ADAMTS12: variants seen among roughly 807,000 people sequenced by gnomAD.
ADAMTS12 encodes the protein ADAM metallopeptidase with thrombospondin type 1 motif 12, also known as A disintegrin and metalloproteinase with thrombospondin motifs 12.
Under a neutral mutation model 167.8 loss-of-function variants are expected in ADAMTS12, and 118 were observed. The ratio of observed to expected loss-of-function variants is 0.70; its 90% CI spans 0.61 to 0.82. The LOEUF is 0.82. Ranked by LOEUF, ADAMTS12 falls within the 40% of genes least tolerant of loss-of-function variation. The pLI, the probability that ADAMTS12 is intolerant of heterozygous loss-of-function variation, is 0.00. For synonymous variants in ADAMTS12, 704 were observed against 716.9 expected (o/e 0.98, Z 0.29); for missense variants, 1,916 against 1,998.8 (o/e 0.96, Z 0.79).
intron 10 of ADAMTS12, among the ~76,000 whole-genome samples, chr5:33,642,236 T>A (rs1740488646): frequency 6.6e-6 from 1 of 152,194 alleles, no homozygotes; most frequent in African/African-American, 2.4e-5. Context: ...TAAATCAACA[T>A]ACTACTTTTT....
chr5:33,561,035 A>T lies in ADAMTS12; in HGVS notation c.4117T>A (p.Trp1373Arg). The T allele has an allele frequency of 6.2e-7, 1 of 1,613,942 alleles. No homozygotes were observed. The highest frequency in any genetic ancestry group is 8.5e-7 in the Non-Finnish European group (1 of 1,179,986). Residue 1373 changes from tryptophan to arginine, a missense_variant, in exon 20 of 24, where the codon TGG (tryptophan) becomes AGG (arginine). Physicochemically the swap from Trp to Arg is moderately radical, Grantham distance 101. Transcript: ENST00000504830. Reference sequence around the variant, plus strand: ...CAAGCCTGATAAGTTACCTTGCTCCAGTTTCCCACTTTCCAGCCAGCACAG... The same window carrying T: ...CAAGCCTGATAAGTTACCTTGCTCCTGTTTCCCACTTTCCAGCCAGCACAG... ...RPCAGWKVGN[W>R]SKCSRNCSGG...
chr5:33,755,242 T>C (rs565068426), intron 2 of ADAMTS12, among the ~76,000 whole-genome samples: 29 of 152,274 alleles, frequency 1.9e-4, no homozygotes, highest in African/African-American at 7.0e-4. Flanking sequence ...ATAAAAAAGA[T>C]TTTGTTACAG....
intron 18 of ADAMTS12, 79 bp downstream of exon 18, chr5:33,588,520 T>C (rs1761138392): frequency 1.3e-5 from 21 of 1,556,374 alleles, no homozygotes; most frequent in Non-Finnish European, 1.9e-5. Flanking sequence ...AGGGTCACTT[T>C]GGATTGGATA....
At chr5:33,734,284 G>A in intron 3 of ADAMTS12, among the ~76,000 whole-genome samples, 1 of 152,122 alleles carries the variant, frequency 6.6e-6, no homozygotes, top group African/African-American at 2.4e-5. Context: ...CTGGTTCTTT[G>A]GAACAAAAGC....
chr5:33,563,262 C>A (rs1480397291), intron 19 of ADAMTS12, among the ~76,000 whole-genome samples: 1 of 152,158 alleles, frequency 6.6e-6, no homozygotes, highest in African/African-American at 2.4e-5. Flanking sequence ...TCCTTAAACC[C>A]ATGCTCTTTG....
chr5:33,803,623 A>T (rs762350066), intron 2 of ADAMTS12, among the ~76,000 whole-genome samples: 4 of 152,222 alleles, frequency 2.6e-5, no homozygotes, highest in Admixed American at 6.5e-5. Context: ...ACTGCTAATA[A>T]AGGCATACCC....
chr5:33,671,953 C>A (rs1207888772), intron 5 of ADAMTS12, among the ~76,000 whole-genome samples: 1 of 148,976 alleles, frequency 6.7e-6, no homozygotes, highest in Non-Finnish European at 1.5e-5. Flanking sequence ...CACACACCCA[C>A]ATACATACAC....
At chr5:33,532,826 T>C (rs1049126285) in intron 23 of ADAMTS12, among the ~76,000 whole-genome samples, 1 of 152,212 alleles carries the variant, frequency 6.6e-6, no homozygotes, top group Non-Finnish European at 1.5e-5. Context: ...CTTAGGAGTA[T>C]GTTATGTTTA....
chr5:33,891,961 C>A lies in ADAMTS12; in HGVS notation c.-105G>T. 1.4e-6 allele frequency: 2 copies of A among 1,449,386 alleles called. No homozygotes were observed. The highest frequency in any genetic ancestry group is 1.4e-5 in the African/African-American group (1 of 69,976). 89.8% of individuals were successfully genotyped at this position (1,449,386 alleles called of 1,614,324 possible). On this transcript the variant is annotated 5_prime_UTR_variant, in exon 1 of 24. Coordinates refer to ENST00000504830, the MANE Select transcript of ADAMTS12 (RefSeq NM_030955.4). ...GCAGGAAGATGCAGGGGTGCATGGT[C>A]AGGCGCGAGAAGGCAGCGACTGCAA... is the stretch of plus-strand genomic sequence containing the variant.
At chr5:33,736,831 T>C (rs1159572783) in intron 3 of ADAMTS12, among the ~76,000 whole-genome samples, 1 of 152,206 alleles carries the variant, frequency 6.6e-6, no homozygotes, top group East Asian at 1.9e-4. Context: ...TTCTGAAGAT[T>C]CCTAGAGAGT....
intron 23 of ADAMTS12, 64 bp from the exon 24 acceptor site, chr5:33,527,430 C>G (rs1410046408): frequency 2.0e-6 from 3 of 1,495,096 alleles, no homozygotes; most frequent in African/African-American, 1.4e-5. Flanking sequence ...TATACAAGCA[C>G]AACTTCTATT....
intron 2 of ADAMTS12, among the ~76,000 whole-genome samples, chr5:33,807,278 T>A (rs1222785043): frequency 4.6e-5 from 7 of 152,222 alleles, no homozygotes; most frequent in Non-Finnish European, 1.5e-5. Flanking sequence ...GACTCAGCCA[T>A]GGACACTTCA....
At chr5:33,693,073 G>A (rs991208043) in intron 3 of ADAMTS12, among the ~76,000 whole-genome samples, 4 of 152,176 alleles carry the variant, frequency 2.6e-5, no homozygotes, top group Non-Finnish European at 4.4e-5. Flanking sequence ...TCTGTTAGTC[G>A]GAAGCCTGCA....
chr5:33,861,757 A>T (rs1749623457), intron 2 of ADAMTS12, among the ~76,000 whole-genome samples: 1 of 152,208 alleles, frequency 6.6e-6, no homozygotes, highest in African/African-American at 2.4e-5. Context: ...ACTTATTCTA[A>T]AATTGACCAC....
chr5:33,588,912 A>C, intron 17 of ADAMTS12, 103 bp from the exon 18 acceptor site: 1 of 1,421,816 alleles, frequency 7.0e-7, no homozygotes, highest in South Asian at 1.2e-5. Flanking sequence ...ACAGGGCTGG[A>C]AGGGCCATGG....
At chr5:33,647,004 A>T (rs113300270) in intron 9 of ADAMTS12, among the ~76,000 whole-genome samples, 1 of 152,160 alleles carries the variant, frequency 6.6e-6, no homozygotes, top group African/African-American at 2.4e-5. Context: ...CTGAAGAGAG[A>T]ACTAGTGAAC....
At chr5:33,606,625 C>A (rs564318341) in intron 16 of ADAMTS12, among the ~76,000 whole-genome samples, 2 of 152,272 alleles carry the variant, frequency 1.3e-5, no homozygotes, top group African/African-American at 4.8e-5. Context: ...CCCCACCTAA[C>A]CAAAGTAGGA....
intron 3 of ADAMTS12, among the ~76,000 whole-genome samples, chr5:33,746,109 T>G (rs1162559698): frequency 1.3e-5 from 2 of 152,198 alleles, no homozygotes; most frequent in Non-Finnish European, 2.9e-5. Flanking sequence ...AAGCACAAAC[T>G]ACTGTGAAGC....
At chr5:33,855,598 G>A (rs1378317549) in intron 2 of ADAMTS12, among the ~76,000 whole-genome samples, 1 of 152,172 alleles carries the variant, frequency 6.6e-6, no homozygotes, top group Non-Finnish European at 1.5e-5. Flanking sequence ...GTTTGCCTTC[G>A]AACATGACTA....
Sources: allele counts gnomAD v4.1 joint callset (sites outside exome capture counted in the v4.1 genomes callset), GRCh38; gene constraint gnomAD v4.1.1; transcripts MANE v1.5; gene names NCBI Gene and HGNC (gene_info 2026-07-23, HGNC 2026-07-21).